ANKFN1: variants seen among roughly 807,000 people sequenced by gnomAD.
ANKFN1 encodes ankyrin repeat and fibronectin type III domain containing 1, also known as ankyrin repeat and fibronectin type-III domain-containing protein 1.
Under a neutral mutation model 108.7 loss-of-function variants are expected in ANKFN1, and 74 were observed. The observed-to-expected ratio is 0.68, with a 90% confidence interval of 0.56 to 0.83. The LOEUF is 0.83. ANKFN1 is among the 40% of genes least tolerant of loss of function. The pLI is 0.00. For synonymous variants in ANKFN1, 547 were observed against 516.2 expected (o/e 1.06, Z -0.81); for missense variants, 1,505 against 1,382.3 (o/e 1.09, Z -1.41).
intron 4 of ANKFN1, among the ~76,000 whole-genome samples, chr17:56,337,524 A>C (rs1250339373): frequency 1.3e-5 from 2 of 152,214 alleles, no homozygotes; most frequent in African/African-American, 4.8e-5. Flanking sequence ...CAGAGTCAAC[A>C]GGCAACTTAC....
intron 4 of ANKFN1, among the ~76,000 whole-genome samples, chr17:56,051,427 T>C (rs1904772460): frequency 8.5e-5 from 11 of 130,172 alleles, no homozygotes; most frequent in African/African-American, 2.7e-4. Flanking sequence ...CTCAAAATAA[T>C]AAGAGCTATC....
rs762462244 is a variant in ANKFN1, at chr17:56,436,435, G to A, written c.911-3892G>A. On this transcript the variant is annotated intron_variant, in intron 8 of 20. Transcript: ENST00000682825. ...CAAGTTTTGTATAGTTTTAGAACCG[G>A]CTTATACGTGATTTTCTCAGGGTTT... Among the ~76,000 whole-genome samples, 4 of 152,106 alleles carry A rather than the reference G, an allele frequency of 2.6e-5. No individual in the cohort carries two copies. The South Asian group carries it at 8.3e-4, about 32-fold the overall frequency.
At chr17:56,478,157 G>A (rs2050573932) in intron 16 of ANKFN1, among the ~76,000 whole-genome samples, 1 of 152,058 alleles carries the variant, frequency 6.6e-6, no homozygotes, top group South Asian at 2.1e-4. Flanking sequence ...GAATAAGGAG[G>A]GCTTGCCTGA....
intron 3 of ANKFN1, among the ~76,000 whole-genome samples, chr17:56,232,928 C>T (rs1916846802): frequency 6.6e-6 from 1 of 152,078 alleles, no homozygotes; most frequent in South Asian, 2.1e-4. Flanking sequence ...AATGCCACCT[C>T]AAGGGCTAGA....
chr17:56,447,191 C>T (rs767708324), intron 10 of ANKFN1, among the ~76,000 whole-genome samples: 35 of 152,020 alleles, frequency 2.3e-4, no homozygotes, highest in Non-Finnish European at 2.8e-4. Context: ...CCACTGCACC[C>T]CAGCGTGGGT....
intron 4 of ANKFN1, among the ~76,000 whole-genome samples, chr17:56,332,269 G>A (rs78357589): frequency 1.3e-3 from 195 of 152,256 alleles, no homozygotes; most frequent in Non-Finnish European, 2.0e-3. Flanking sequence ...GCTTATGTAA[G>A]CAGCAAAGCC....
chr17:56,360,314 T>C (rs571459749), intron 6 of ANKFN1, among the ~76,000 whole-genome samples: 3 of 152,202 alleles, frequency 2.0e-5, no homozygotes, highest in Non-Finnish European at 4.4e-5. Flanking sequence ...GCTCGAGTGC[T>C]TTTAATCTTG....
intron 1 of ANKFN1, among the ~76,000 whole-genome samples, chr17:56,207,176 G>C (rs1304237706): frequency 1.3e-5 from 2 of 152,172 alleles, no homozygotes; most frequent in African/African-American, 4.8e-5. Context: ...GTAGACTAGT[G>C]CTTCTCAAAA....
intron 3 of ANKFN1, among the ~76,000 whole-genome samples, chr17:56,261,281 G>A (rs2043503881): frequency 6.6e-6 from 1 of 152,154 alleles, no homozygotes; most frequent in South Asian, 2.1e-4. Context: ...ATTGTTAGAA[G>A]ACCAACATGA....
At chr17:56,240,664 G>A (rs550330166) in intron 3 of ANKFN1, among the ~76,000 whole-genome samples, 1 of 152,032 alleles carries the variant, frequency 6.6e-6, no homozygotes, top group Non-Finnish European at 1.5e-5. Context: ...TGTAAGTTTC[G>A]GTTTCTCCAA....
chr17:56,127,477 C>T (rs571413354), intron 4 of ANKFN1, among the ~76,000 whole-genome samples: 1 of 152,214 alleles, frequency 6.6e-6, no homozygotes, highest in East Asian at 1.9e-4. Context: ...CCACACCCAG[C>T]TAATTTTTGC....
intron 1 of ANKFN1, among the ~76,000 whole-genome samples, chr17:56,154,455 C>T (rs1261910304): frequency 2.0e-5 from 3 of 152,084 alleles, no homozygotes; most frequent in Admixed American, 6.5e-5. Flanking sequence ...GGCCAGAGCA[C>T]CGTTCAGTTT....
At chr17:56,479,815 GA>G (rs1334366071) in intron 16 of ANKFN1, among the ~76,000 whole-genome samples, 1 of 152,200 alleles carries the variant, frequency 6.6e-6, no homozygotes, top group Admixed American at 6.5e-5. Flanking sequence ...GCCTGCTCCT[GA>G]GAGCCTACTG....
intron 2 of ANKFN1, among the ~76,000 whole-genome samples, chr17:56,225,113 C>T (rs1916167748): frequency 1.3e-5 from 2 of 152,092 alleles, no homozygotes; most frequent in Admixed American, 1.3e-4. Context: ...TGGTCTCTGC[C>T]AAAGTATATG....
At chr17:56,130,695 T>G (rs1284168954) in intron 4 of ANKFN1, among the ~76,000 whole-genome samples, 1 of 152,108 alleles carries the variant, frequency 6.6e-6, no homozygotes, top group Non-Finnish European at 1.5e-5. Context: ...GCATTTTGAT[T>G]AGATGGGGGG....
rs749334711 is a variant in ANKFN1, at chr17:56,457,267, A to G, written c.1318A>G (p.Ile440Val). Residue 440 changes from isoleucine to valine, a missense_variant, in exon 13 of 21, where the codon ATA (isoleucine) becomes GTA (valine). Ile to Val is a conservative substitution (Grantham distance 29). Transcript: ENST00000682825. ...CCTTTTTCTTTTTAGGGGACTCTAC[A>G]TAGCCGTTATATTTTATTACAAAGA... is the stretch of plus-strand genomic sequence containing the variant. ...FVKTLKRGLYIAVIFYYKDNI... is the reference protein window; with the variant it reads ...FVKTLKRGLYVAVIFYYKDNI... 6 of 1,587,956 alleles carry G rather than the reference A, an allele frequency of 3.8e-6. No individual in the cohort carries two copies. The highest frequency in any genetic ancestry group is 1.7e-4 in the Middle Eastern group (1 of 5,888).
At chr17:56,205,952 C>T (rs1914495861) in intron 1 of ANKFN1, among the ~76,000 whole-genome samples, 1 of 152,138 alleles carries the variant, frequency 6.6e-6, no homozygotes, top group Non-Finnish European at 1.5e-5. Flanking sequence ...TCTTCATCAC[C>T]TCAAAGCATG....
intron 3 of ANKFN1, among the ~76,000 whole-genome samples, chr17:56,298,132 C>G (rs772692958): frequency 2.6e-5 from 4 of 152,044 alleles, no homozygotes; most frequent in Non-Finnish European, 5.9e-5. Flanking sequence ...TGAGCAATTG[C>G]GTGTTTTAAT....
rs2051910934 is a variant in ANKFN1 at position 56,516,209 on chromosome 17, C to T, written c.*4940C>T. On this transcript the variant is annotated 3_prime_UTR_variant, in exon 21 of 21. Coordinates refer to ENST00000682825, the MANE Select transcript of ANKFN1 (RefSeq NM_001370326.1). ...TGAAAATCAGATGTTTGGGGGTATCCATGTATGTGACCACAAGCATCAGTT... is the reference window on the plus strand; with the variant it reads ...TGAAAATCAGATGTTTGGGGGTATCTATGTATGTGACCACAAGCATCAGTT... 6.6e-6 allele frequency among the ~76,000 whole-genome samples: 1 copy of T among 151,500 alleles called. No individual in the cohort carries two copies. Among genetic ancestry groups the T allele is most frequent in the South Asian group, 2.1e-4 (1 of 4,770 alleles).
Sources: gnomAD v4.1 joint callset for allele counts (sites outside exome capture counted in the v4.1 genomes callset) on GRCh38, gnomAD v4.1.1 for gene constraint, MANE v1.5 for transcripts, NCBI Gene and HGNC (gene_info 2026-07-23, HGNC 2026-07-21) for gene names.